MUCL1: variants seen among roughly 807,000 people sequenced by gnomAD.
MUCL1 encodes mucin-like protein 1.
MUCL1 carries 11 observed loss-of-function variants against 9.2 expected under a neutral mutation model. That is an observed-to-expected ratio of 1.19 (90% CI 0.75 to 1.97). The LOEUF (loss-of-function observed/expected upper bound fraction) is 1.97. MUCL1 is among the 30% of genes most tolerant of loss of function. The pLI is 0.00. For missense variants in MUCL1, 144 were observed against 110.9 expected, an observed-to-expected ratio of 1.30 and a Z score of -1.34; for synonymous variants, 48 against 40.5, an observed-to-expected ratio of 1.19 and a Z score of -0.71.
rs1208860953 is a variant in MUCL1, at chr12:54,856,786, T to C, written c.117T>C (p.Asp39=). ...DTYPATGPAD[D]EAPDAETTAA... is the part of the protein sequence containing the mutation. ...TAATTTCAGCTGGTCCTGCTGATGA[T>C]GAAGCCCCTGATGCTGAAACCACTG... The change falls in exon 3 of 4, where the codon GAT becomes GAC. Residue 39 remains aspartate (D), a synonymous_variant. Transcript: ENST00000308796. 1 of 1,612,826 alleles carries C rather than the reference T, an allele frequency of 6.2e-7. No individual in the cohort carries two copies. The highest frequency in any genetic ancestry group is 8.5e-7 in the Non-Finnish European group (1 of 1,179,400).
At chr12:54,851,593 T>G (rs1012989818), upstream of MUCL1, among the ~76,000 whole-genome samples, 10 of 152,280 alleles carry the variant, frequency 6.6e-5, no homozygotes, top group Middle Eastern at 3.4e-3. Flanking sequence ...CTTTGAAAAC[T>G]GGCACAAGAC....
intron 2 of MUCL1, chr12:54,855,527 T>C (rs1868292452): frequency 4.4e-6 from 1 of 226,020 alleles, no homozygotes; most frequent in Non-Finnish European, 9.0e-6. Context: ...GACCAGTGGG[T>C]CTCAGAATTT....
At chr12:54,834,541 G>GT (rs1287274678), upstream of MUCL1, among the ~76,000 whole-genome samples, 8 of 151,872 alleles carry the variant, frequency 5.3e-5, no homozygotes, top group Non-Finnish European at 1.2e-4. Context: ...GATATACACA[G>GT]TGAAGTTGTT....
At chr12:54,834,526 G>A (rs1294204920), upstream of MUCL1, among the ~76,000 whole-genome samples, 1 of 151,840 alleles carries the variant, frequency 6.6e-6, no homozygotes, top group East Asian at 1.9e-4. Flanking sequence ...ACAATGTAAT[G>A]TTTTGATATA....
upstream of MUCL1, among the ~76,000 whole-genome samples, chr12:54,837,335 C>A (rs1304024481): frequency 6.6e-6 from 1 of 152,040 alleles, no homozygotes; most frequent in Non-Finnish European, 1.5e-5. Context: ...TATATAATGA[C>A]TTTTTTTGGG....
At chr12:54,843,996 T>C (rs1035688548) in intron 1 of MUCL1, among the ~76,000 whole-genome samples, 4 of 152,240 alleles carry the variant, frequency 2.6e-5, no homozygotes, top group African/African-American at 9.6e-5. Context: ...TTAACCTTTT[T>C]GTTTATCACT....
At chr12:54,839,531 A>T (rs1959200442) in intron 1 of MUCL1, 2 of 700,046 alleles carry the variant, frequency 2.9e-6, no homozygotes, top group Non-Finnish European at 5.2e-6. Context: ...AAATGCACTG[A>T]GGTCTTTTCA....
chr12:54,856,742 C>T (rs375312325), intron 2 of MUCL1, 28 bp from the exon 3 acceptor site: 97 of 1,584,060 alleles, frequency 6.1e-5, no homozygotes, highest in Middle Eastern at 3.3e-4. Flanking sequence ...GAGTCAGTCT[C>T]ACCTAGAGCT....
upstream of MUCL1, among the ~76,000 whole-genome samples, chr12:54,852,762 G>T (rs772216930): frequency 6.6e-6 from 1 of 152,154 alleles, no homozygotes; most frequent in Non-Finnish European, 1.5e-5. Context: ...TTGTTGGGAG[G>T]CCTTACAAAG....
At chr12:54,835,988 T>C (rs1288372036), upstream of MUCL1, among the ~76,000 whole-genome samples, 1 of 152,172 alleles carries the variant, frequency 6.6e-6, no homozygotes, top group African/African-American at 2.4e-5. Context: ...GTTGCTATTA[T>C]TTTGTTGAGG....
chr12:54,852,609 C>T (rs1051206176), upstream of MUCL1, among the ~76,000 whole-genome samples: 2 of 152,176 alleles, frequency 1.3e-5, no homozygotes, highest in Admixed American at 1.3e-4. Context: ...GGGACCCTAA[C>T]TGATACATAT....
At chr12:54,848,426 T>A (rs1055381774) in intron 1 of MUCL1, among the ~76,000 whole-genome samples, 1 of 152,172 alleles carries the variant, frequency 6.6e-6, no homozygotes, top group African/African-American at 2.4e-5. Context: ...CAGCTGTGTG[T>A]TTTTCAAATT....
chr12:54,844,502 T>A (rs1198928743), intron 1 of MUCL1, among the ~76,000 whole-genome samples: 1 of 152,232 alleles, frequency 6.6e-6, no homozygotes, highest in Non-Finnish European at 1.5e-5. Flanking sequence ...AACATCTTTA[T>A]AAATCTCATC....
chr12:54,852,768 C>A (rs1246459186), upstream of MUCL1, among the ~76,000 whole-genome samples: 1 of 152,156 alleles, frequency 6.6e-6, no homozygotes, highest in South Asian at 2.1e-4. Flanking sequence ...GGAGGCCTTA[C>A]AAAGGTGACT....
At chr12:54,856,260 T>C (rs535698104) in intron 2 of MUCL1, among the ~76,000 whole-genome samples, 6 of 133,932 alleles carry the variant, frequency 4.5e-5, no homozygotes, top group African/African-American at 1.2e-4. Flanking sequence ...ATAGAAGATA[T>C]CTTACTGCAC....
intron 1 of MUCL1, among the ~76,000 whole-genome samples, chr12:54,848,170 G>A (rs1959283903): frequency 6.6e-6 from 1 of 151,886 alleles, no homozygotes; most frequent in Non-Finnish European, 1.5e-5. Flanking sequence ...TTTCTCTGTG[G>A]TATATGGTGA....
At chr12:54,840,717 G>A (rs562089023) in intron 1 of MUCL1, among the ~76,000 whole-genome samples, 6 of 152,298 alleles carry the variant, frequency 3.9e-5, no homozygotes, top group African/African-American at 1.4e-4. Context: ...GGATTGGAGG[G>A]CAGTTCTCTG....
intron 1 of MUCL1, chr12:54,839,481 A>G: frequency 1.4e-6 from 1 of 701,430 alleles, no homozygotes; most frequent in Non-Finnish European, 2.6e-6. Context: ...GTGGACAGAG[A>G]TCCCAGCCTT....
chr12:54,839,984 T>C (rs2135940484), intron 1 of MUCL1, among the ~76,000 whole-genome samples: 1 of 152,180 alleles, frequency 6.6e-6, no homozygotes, highest in East Asian at 1.9e-4. Flanking sequence ...AGGCCTGCTG[T>C]CTGGATTCTT....
Sources: allele counts gnomAD v4.1 joint callset (sites outside exome capture counted in the v4.1 genomes callset), GRCh38; gene constraint gnomAD v4.1.1; transcripts MANE v1.5; gene names NCBI Gene and HGNC (gene_info 2026-07-23, HGNC 2026-07-21).